Variants in OAT observed in about 807,000 individuals in gnomAD.
OAT encodes ornithine aminotransferase.
A neutral mutation model predicts 48.4 loss-of-function variants in OAT; 35 were observed. The ratio of observed to expected loss-of-function variants is 0.72; its 90% CI spans 0.55 to 0.96. The LOEUF is 0.96. Ranked by LOEUF, OAT falls within the 40% of genes least tolerant of loss-of-function variation. The probability of loss-of-function intolerance (pLI) is 0.00; values close to 1 mark genes in which losing one functional copy is unlikely to be tolerated. For synonymous variants in OAT, 182 were observed against 198.4 expected (o/e 0.92, Z 0.70); for missense variants, 438 against 537.9 (o/e 0.81, Z 1.84).
intron 1 of OAT, chr10:124,414,118 T>C (rs1399685500): frequency 6.6e-6 from 1 of 151,962 alleles, no homozygotes; most frequent in Admixed American, 6.5e-5. Context: ...CTATACTTAC[T>C]TTCTAAAAGA....
chr10:124,416,913 G>A (rs913626179), intron 1 of OAT, among the ~76,000 whole-genome samples: 2 of 148,950 alleles, frequency 1.3e-5, no homozygotes, highest in African/African-American at 2.5e-5. Context: ...TCTCTTTGAC[G>A]TAATCAGTAT....
At chr10:124,411,190 T>G (rs1951739616) in intron 2 of OAT, among the ~76,000 whole-genome samples, 1 of 140,770 alleles carries the variant, frequency 7.1e-6, no homozygotes, top group Non-Finnish European at 1.5e-5. Flanking sequence ...TGTCTGCAAC[T>G]TCCTCTCAAA....
intron 1 of OAT, among the ~76,000 whole-genome samples, chr10:124,414,608 C>A (rs1483684144): frequency 2.6e-5 from 4 of 152,222 alleles, no homozygotes. Context: ...CTATATGTAA[C>A]TTCCCCAAAA....
rs1308545246 is a variant in OAT at position 124,397,948 on chromosome 10, A to G, written c.1314T>C (p.Ser438=). The G allele has an allele frequency of 1.9e-6, 3 of 1,613,662 alleles. No homozygotes were observed. Among genetic ancestry groups the G allele is most frequent in the Non-Finnish European group, 2.5e-6 (3 of 1,179,858 alleles). Residue 438 remains serine, a synonymous_variant, in exon 10 of 10, where the codon TCT becomes TCC. Coordinates refer to ENST00000368845, the MANE Select transcript of OAT (RefSeq NM_000274.4). ...TGAAAACAGCTGGCTACCCTCAGAAAGACAAGATGGTCTTGTTAATAATTT... is the reference window on the plus strand; with the variant it reads ...TGAAAACAGCTGGCTACCCTCAGAAGGACAAGATGGTCTTGTTAATAATTT... The part of the protein sequence containing the change: ...SIEIINKTIL[S]F
At position 124,411,964 on chromosome 10, in the gene OAT, G is replaced by T; in HGVS notation, c.199+9C>A. 1 of 1,610,618 alleles carries T rather than the reference G, an allele frequency of 6.2e-7. No individual in the cohort carries two copies. The highest frequency in any genetic ancestry group is 1.3e-5 in the African/African-American group (1 of 74,982). On this transcript the variant is annotated intron_variant, in intron 2 of 9. Coordinates refer to ENST00000368845, the MANE Select transcript of OAT (RefSeq NM_000274.4). ...GAAAAGGGAAAAGACGGATTAATTT[G>T]AAACGTACCTTTTCCTCTCTCCAGG...
In OAT at chr10:124,408,563, T is replaced by C. The variant is rs910926675; in HGVS notation, c.499A>G (p.Lys167Glu). ...GYTVKGIQKY[K>E]AKIVFAAGNF... ...ATACCTGCAAAAACAATCTTTGCTT[T>C]GTATTTCTGAATGCCCTTCACGGTA... The change falls in exon 4 of 10, where the codon AAA (lysine) becomes GAA (glutamate). Residue 167 changes from lysine to glutamate, a missense_variant. Coordinates refer to ENST00000368845, the MANE Select transcript of OAT (RefSeq NM_000274.4). The C allele has an allele frequency of 6.2e-7, 1 of 1,611,968 alleles. No individual in the cohort carries two copies. The highest frequency in any genetic ancestry group is 8.5e-7 in the Non-Finnish European group (1 of 1,179,568).
chr10:124,402,170 G>T (rs1359550488), intron 7 of OAT, among the ~76,000 whole-genome samples: 2 of 152,078 alleles, frequency 1.3e-5, no homozygotes, highest in Non-Finnish European at 2.9e-5. Flanking sequence ...AAAGTGCTGG[G>T]ATTGCAGGCA....
At chr10:124,411,159 AAAAAAG>A (rs1486332193) in intron 2 of OAT, among the ~76,000 whole-genome samples, 4 of 145,854 alleles carry the variant, frequency 2.7e-5, no homozygotes, top group South Asian at 4.3e-4. Context: ...AAAAAAAAAA[AAAAAAG>A]AAGAAGAGAT....
At chr10:124,409,753 G>A (rs144400683) in intron 2 of OAT, among the ~76,000 whole-genome samples, 19 of 152,146 alleles carry the variant, frequency 1.2e-4, no homozygotes, top group African/African-American at 4.6e-4. Flanking sequence ...TTAAAAAATG[G>A]GGAAAGACTT....
rs1951450023 is a variant in OAT, at chr10:124,402,849, A to G, written c.900+78T>C. The G allele has an allele frequency of 1.9e-6, 3 of 1,563,712 alleles. No individual in the cohort carries two copies. In the South Asian group the frequency reaches 3.4e-5, roughly 18 times the overall value. On this transcript the variant is annotated intron_variant, in intron 7 of 9. Coordinates refer to ENST00000368845, the MANE Select transcript of OAT (RefSeq NM_000274.4). ...AACAATCTGAAAGCATTGTTGTCAC[A>G]ATCAGTTGATGTATAAATACTTTAG...
rs539243042 is a variant in OAT at position 124,406,904 on chromosome 10, A to G, written c.521-1341T>C. ...TTCTAGCAGGGAGAAAACACCTGAC[A>G]TAAACCAGTAAAGCAAGTGAGCTAG... On this transcript the variant is annotated intron_variant, in intron 4 of 9. Transcript: ENST00000368845. The G allele has an allele frequency of 3.1e-6, 3 of 960,150 alleles. No homozygotes were observed. In the African/African-American group the frequency reaches 5.3e-5, roughly 17 times the overall value. 59.5% of individuals were successfully genotyped at this position (960,150 alleles called of 1,614,324 possible). A position where few individuals can be genotyped will look rare whatever the true frequency, so the allele number is the denominator to read the frequency against.
In OAT at chr10:124,397,763, A is replaced by T. The variant is rs1951272140; in HGVS notation, c.*179T>A. 1 of 636,272 alleles carries T rather than the reference A, an allele frequency of 1.6e-6. No individual in the cohort carries two copies. Among genetic ancestry groups the T allele is most frequent in the Non-Finnish European group, 2.7e-6 (1 of 368,106 alleles). 39.4% of individuals were successfully genotyped at this position (636,272 alleles called of 1,614,324 possible). A position where few individuals can be genotyped will look rare whatever the true frequency, so the allele number is the denominator to read the frequency against. ...CATTACATTATTTAGTTACGTTACA[A>T]AGCAAACGGCAGGTTCATAAACGTT... On this transcript the variant is annotated 3_prime_UTR_variant, in exon 10 of 10. Transcript: ENST00000368845.
Position 124,397,907 on chromosome 10 carries a change from G to A in OAT, c.*35C>T, listed in dbSNP as rs750628344. On this transcript the variant is annotated 3_prime_UTR_variant, in exon 10 of 10. Coordinates refer to ENST00000368845, the MANE Select transcript of OAT (RefSeq NM_000274.4). Reference sequence around the variant, plus strand: ...TTTACAGGACCACCTGTCTCCAGCTGGCTCCCAGGGACCACTGAAAACAGC... The same window carrying A: ...TTTACAGGACCACCTGTCTCCAGCTAGCTCCCAGGGACCACTGAAAACAGC... 6 of 1,612,946 alleles carry A rather than the reference G, an allele frequency of 3.7e-6. No individual in the cohort carries two copies. The East Asian group carries it at 1.3e-4, about 36-fold the overall frequency.
In OAT at chr10:124,397,843, C is replaced by T. The variant is rs1951274202; in HGVS notation, c.*99G>A. On this transcript the variant is annotated 3_prime_UTR_variant, in exon 10 of 10. Transcript: ENST00000368845. The stretch of plus-strand genomic sequence containing the variant: ...TATTCAAAAAAAAAGTTTTTGAAGA[C>T]TCATGGGAGTGGAATGTGCCCACAT... The T allele has an allele frequency of 2.7e-6, 4 of 1,460,836 alleles. No homozygotes were observed. The South Asian group carries it at 4.6e-5, about 17-fold the overall frequency. 90.5% of individuals were successfully genotyped at this position (1,460,836 alleles called of 1,614,324 possible). A position where few individuals can be genotyped will look rare whatever the true frequency, so the allele number is the denominator to read the frequency against.
At chr10:124,400,810 T>C in intron 9 of OAT, 30 bp downstream of exon 9, 2 of 1,520,728 alleles carry the variant, frequency 1.3e-6, no homozygotes, top group Non-Finnish European at 1.8e-6. Flanking sequence ...CCTTAAAAAA[T>C]TATCTTGAGT....
chr10:124,413,037 C>T (rs752828353), intron 1 of OAT, among the ~76,000 whole-genome samples: 1 of 152,126 alleles, frequency 6.6e-6, no homozygotes, highest in African/African-American at 2.4e-5. Context: ...TGGGCTCAAG[C>T]AGTCCGCCCA....
chr10:124,415,074 T>TGTGTCGCTAAAAAAAAAAAAAAAAAA (rs1564742697), intron 1 of OAT: 1 of 16,854 alleles, frequency 5.9e-5, no homozygotes, highest in Non-Finnish European at 1.2e-4. Context: ...TACAAAGCGC[T>TGTGTCGCTAAAAAAAAAAAAAAAAAA]AAAAAAAAAA....
chr10:124,400,160 C>T (rs73380219), intron 9 of OAT, among the ~76,000 whole-genome samples: 5,674 of 152,168 alleles, frequency 0.037, 350 homozygotes, highest in African/African-American at 0.13. Flanking sequence ...AATTAAAATA[C>T]CAAGTGTGGC....
chr10:124,409,030 A>C (rs1951681468), intron 2 of OAT, 65 bp from the exon 3 acceptor site: 4 of 1,242,314 alleles, frequency 3.2e-6, no homozygotes, highest in Non-Finnish European at 3.5e-6. Flanking sequence ...TCCAAAAATT[A>C]AGAGTGCTAG....
Sources: gnomAD v4.1 joint callset for allele counts (sites outside exome capture counted in the v4.1 genomes callset) on GRCh38, gnomAD v4.1.1 for gene constraint, MANE v1.5 for transcripts, NCBI Gene and HGNC (gene_info 2026-07-23, HGNC 2026-07-21) for gene names.